WHAMM: variants seen among roughly 807,000 people sequenced by gnomAD.
The protein encoded by WHAMM is WASP homolog-associated protein with actin, membranes and microtubules.
A neutral mutation model predicts 76.5 loss-of-function variants in WHAMM; 67 were observed. The observed-to-expected ratio is 0.88, with a 90% CI of 0.72 to 1.07. The LOEUF (loss-of-function observed/expected upper bound fraction) is 1.07, where lower values mean the gene tolerates loss of function less well. Among genes scored for constraint, WHAMM ranks in the 50% least tolerant of loss-of-function variants. The pLI is 0.00. For missense variants in WHAMM, 1,021 were observed against 1,051.1 expected (o/e 0.97, Z 0.40); for synonymous variants, 419 against 422.1 (o/e 0.99, Z 0.09).
intron 6 of WHAMM, among the ~76,000 whole-genome samples, 183 bp from the exon 7 acceptor site, chr15:82,826,227 A>G (rs963195338): frequency 6.6e-6 from 1 of 152,232 alleles, no homozygotes; most frequent in Non-Finnish European, 1.5e-5. Flanking sequence ...AATTATTTCC[A>G]TAAGCAGCCA....
At position 82,826,679 on chromosome 15, in the gene WHAMM, C is replaced by G. The variant is rs1399053389; in HGVS notation, c.1546-72C>G. ...GGTACAGCCTCTTTCTTTGCTGAGA[C>G]ATTTTTATTGTATGCCAAGACATTT... On this transcript the variant is annotated intron_variant, in intron 7 of 9. Transcript: ENST00000286760. The G allele has an allele frequency of 2.6e-6, 4 of 1,528,976 alleles. No homozygotes were observed. In the Admixed American group the frequency reaches 9.0e-5, roughly 34 times the overall value. 94.7% of individuals were successfully genotyped at this position (1,528,976 alleles called of 1,614,324 possible). A position where few individuals can be genotyped will look rare whatever the true frequency, so the allele number is the denominator to read the frequency against.
rs2151553780 is a variant in WHAMM, at chr15:82,809,986, T to C, written c.260T>C (p.Leu87Pro). ...SWAGLLSAAG[L>P]RGAHRQLAAL... ...GCCGGCCTGCTCTCGGCCGCGGGGC[T>C]CCGCGGCGCGCACCGGCAGTTGGCG... The change falls in exon 1 of 10, where the codon CTC (leucine) becomes CCC (proline). Residue 87 changes from leucine (L) to proline (P), a missense_variant. Coordinates refer to ENST00000286760, the MANE Select transcript of WHAMM (RefSeq NM_001080435.3). The C allele has an allele frequency of 8.6e-6, 11 of 1,280,546 alleles. No homozygotes were observed. The highest frequency in any genetic ancestry group is 1.1e-5 in the Non-Finnish European group (11 of 1,015,256). The allele number at this position is 1,280,546 out of a possible 1,614,324, so 79.3% of individuals were successfully genotyped here.
At chr15:82,827,212 A>G (rs1566997493) in intron 8 of WHAMM, among the ~76,000 whole-genome samples, 1 of 152,180 alleles carries the variant, frequency 6.6e-6, no homozygotes, top group Non-Finnish European at 1.5e-5. Context: ...ATTCTTTAAA[A>G]TGTTATCCAG....
rs2050591344 is a variant in WHAMM at position 82,809,724 on chromosome 15, GCCAT to G, written c.-2_2del. 10 of 1,498,410 alleles carry G rather than the reference GCCAT, an allele frequency of 6.7e-6. No individual in the cohort carries two copies. The highest frequency in any genetic ancestry group is 8.0e-6 in the Non-Finnish European group (9 of 1,122,800). The allele number at this position is 1,498,410 out of a possible 1,614,324, so 92.8% of individuals were successfully genotyped here. On this transcript the variant is annotated start_lost and 5_prime_UTR_variant, in exon 1 of 10. Transcript: ENST00000286760. ...AGCCCTAGGGCCGCTGCTGCCGACAGCCATGGAGGACGAGCAGCCTGACAGCCTG... is the reference window on the plus strand; with the variant it reads ...AGCCCTAGGGCCGCTGCTGCCGACAGGGAGGACGAGCAGCCTGACAGCCTG...
intron 9 of WHAMM, among the ~76,000 whole-genome samples, chr15:82,831,767 C>T (rs1333825018): frequency 3.3e-5 from 5 of 152,224 alleles, no homozygotes; most frequent in Non-Finnish European, 5.9e-5. Context: ...TCTGCCTAGA[C>T]TTGGAGCCTA....
In WHAMM at chr15:82,810,130, C is replaced by T. The variant is rs1319947331; in HGVS notation, c.404C>T (p.Ala135Val). 1 of 1,353,558 alleles carries T rather than the reference C, an allele frequency of 7.4e-7. No homozygotes were observed. Among genetic ancestry groups the T allele is most frequent in the Non-Finnish European group, 9.6e-7 (1 of 1,046,350 alleles). 83.8% of individuals were successfully genotyped at this position (1,353,558 alleles called of 1,614,324 possible). The change falls in exon 1 of 10, where the codon GCG becomes GTG. Residue 135 changes from alanine to valine, a missense_variant. Physicochemically the swap from Ala to Val is moderately conservative, Grantham distance 64 (BLOSUM62 0). This residue lies in a region of WHAMM where 501 missense variants were observed against 524.9 expected (regional missense o/e 0.95). Coordinates refer to ENST00000286760, the MANE Select transcript of WHAMM (RefSeq NM_001080435.3). Reference protein sequence around the residue: ...GLWALLWPTRAGPGEAALQEL... With the variant: ...GLWALLWPTRVGPGEAALQEL... Reference sequence around the variant, plus strand: ...TGGGCGCTGCTGTGGCCGACGCGCGCGGGTCCCGGCGAGGCGGCGCTGCAG... The same window carrying T: ...TGGGCGCTGCTGTGGCCGACGCGCGTGGGTCCCGGCGAGGCGGCGCTGCAG...
chr15:82,819,611 G>T, intron 5 of WHAMM, 123 bp downstream of exon 5: 4 of 499,986 alleles, frequency 8.0e-6, no homozygotes, highest in Non-Finnish European at 1.3e-5. Flanking sequence ...TCCTTCAGTG[G>T]TTTATTATTC....
Position 82,823,256 on chromosome 15 carries a change from G to T in WHAMM, c.1427G>T (p.Cys476Phe), listed in dbSNP as rs762236027. ...CTGGAGTCTAAACGGGGCAGGATCTGTGCCAAAAGAGCCTCTCTCCGGAGT... is the reference window on the plus strand; with the variant it reads ...CTGGAGTCTAAACGGGGCAGGATCTTTGCCAAAAGAGCCTCTCTCCGGAGT... ...QQLESKRGRI[C>F]AKRASLRSRK... The change falls in exon 6 of 10, where the codon TGT (cysteine) becomes TTT (phenylalanine). Residue 476 changes from cysteine to phenylalanine, a missense_variant. Cys to Phe is a radical substitution (Grantham distance 205). Around this residue, in one of 3 missense-constraint regions of WHAMM, gnomAD observed 509 missense variants for 492.3 expected, o/e 1.03. Coordinates refer to ENST00000286760, the MANE Select transcript of WHAMM (RefSeq NM_001080435.3). 1 of 1,544,008 alleles carries T rather than the reference G, an allele frequency of 6.5e-7. No individual in the cohort carries two copies. Among genetic ancestry groups the T allele is most frequent in the South Asian group, 1.3e-5 (1 of 78,870 alleles).
chr15:82,810,853 C>A, intron 1 of WHAMM: 1 of 776,396 alleles, frequency 1.3e-6, no homozygotes, highest in Non-Finnish European at 1.6e-6. Context: ...GAACTTTATT[C>A]ATCAGTTTGG....
Position 82,833,345 on chromosome 15 carries a change from A to G in WHAMM, c.2239A>G (p.Ile747Val), listed in dbSNP as rs766435750. ...AATCAATGAGCACATTCTGGCTGCC[A>G]TAAGGCAAGGGGTCAAACTGAAGAA... ...ASINEHILAA[I>V]RQGVKLKKVH... Residue 747 changes from isoleucine (I) to valine (V), a missense_variant, in exon 10 of 10, where the codon ATA (isoleucine) becomes GTA (valine). Physicochemically the swap from Ile to Val is conservative, Grantham distance 29. Transcript: ENST00000286760. The G allele has an allele frequency of 7.1e-5, 115 of 1,613,936 alleles. No individual in the cohort carries two copies. Among genetic ancestry groups the G allele is most frequent in the Middle Eastern group, 4.9e-4 (3 of 6,084 alleles).
At chr15:82,821,912 A>G (rs796537986) in intron 5 of WHAMM, among the ~76,000 whole-genome samples, 4 of 152,162 alleles carry the variant, frequency 2.6e-5, no homozygotes, top group African/African-American at 9.7e-5. Flanking sequence ...CTTCACATAG[A>G]TCCTGAACTT....
At position 82,830,720 on chromosome 15, in the gene WHAMM, C is replaced by A. The variant is rs139061517; in HGVS notation, c.1763C>A (p.Pro588Gln). Residue 588 changes from proline (P) to glutamine (Q), a missense_variant, in exon 9 of 10, where the codon CCG (proline) becomes CAG (glutamine). Coordinates refer to ENST00000286760, the MANE Select transcript of WHAMM (RefSeq NM_001080435.3). The part of the protein sequence containing the change: ...PASHAVSVIH[P>Q]SSRKTRGVPL... ...TCCCACGCGGTGTCAGTAATTCACC[C>A]GTCCTCTAGGAAAACTAGAGGTGTT... 4 of 1,613,942 alleles carry A rather than the reference C, an allele frequency of 2.5e-6. No individual in the cohort carries two copies. The highest frequency in any genetic ancestry group is 1.6e-4 in the Middle Eastern group (1 of 6,062).
At position 82,834,547 on chromosome 15, in the gene WHAMM, T is replaced by TA. The variant is rs1364196930; in HGVS notation, c.*1012dup. 2 of 152,672 alleles carry TA rather than the reference T, an allele frequency of 1.3e-5. No individual in the cohort carries two copies. The highest frequency in any genetic ancestry group is 3.8e-4 in the East Asian group (2 of 5,206). The allele number at this position is 152,672 out of a possible 1,614,324, so 9.5% of individuals were successfully genotyped here. On this transcript the variant is annotated 3_prime_UTR_variant, in exon 10 of 10. Coordinates refer to ENST00000286760, the MANE Select transcript of WHAMM (RefSeq NM_001080435.3). ...ACACTACACTGGTAAGCAGTACTAT[T>TA]AGACTACTGACTGTGGCCTTCTGTG...
In WHAMM at chr15:82,818,044, G is replaced by A. The variant is rs754629534; in HGVS notation, c.1059G>A (p.Ala353=). ...LARETLQLMR[A]KELCLNHKRA... ...GAGAGACTCTGCAACTCATGAGAGC[G>A]AAAGAGTTGTGTTTAAATCACAAAA... Residue 353 remains alanine (A), a synonymous_variant, in exon 4 of 10, where the codon GCG becomes GCA. Coordinates refer to ENST00000286760, the MANE Select transcript of WHAMM (RefSeq NM_001080435.3). 1.4e-5 allele frequency: 22 copies of A among 1,551,738 alleles called. No homozygotes were observed. In the East Asian group the frequency reaches 3.6e-4, roughly 26 times the overall value.
At chr15:82,819,539 A>G (rs1596281365) in intron 5 of WHAMM, 51 bp downstream of exon 5, 1 of 945,028 alleles carries the variant, frequency 1.1e-6, no homozygotes, top group Non-Finnish European at 1.5e-6. Flanking sequence ...ATTTAAGGAA[A>G]TACAGACCAT....
At chr15:82,831,278 TA>T (rs1350406317) in intron 9 of WHAMM, among the ~76,000 whole-genome samples, 199 bp downstream of exon 9, 1 of 152,248 alleles carries the variant, frequency 6.6e-6, no homozygotes, top group Non-Finnish European at 1.5e-5. Flanking sequence ...TCTGGTTTCA[TA>T]AATGTTAATT....
Position 82,833,239 on chromosome 15 carries a change from T to C in WHAMM, c.2133T>C (p.Asp711=), listed in dbSNP as rs1188790150. 5.6e-6 allele frequency: 9 copies of C among 1,613,500 alleles called. No homozygotes were observed. Among genetic ancestry groups the C allele is most frequent in the Non-Finnish European group, 6.8e-6 (8 of 1,179,682 alleles). Residue 711 remains aspartate, a synonymous_variant, in exon 10 of 10, where the codon GAT becomes GAC. Transcript: ENST00000286760. The part of the protein sequence containing the change: ...LESFSCPGSM[D]EVLASLRHGR... ...CTTATTCAATTTCAGGATCTATGGATGAAGTGTTGGCCTCCTTAAGGCATG... is the reference window on the plus strand; with the variant it reads ...CTTATTCAATTTCAGGATCTATGGACGAAGTGTTGGCCTCCTTAAGGCATG...
At chr15:82,823,493 A>G (rs1217427903) in intron 6 of WHAMM, among the ~76,000 whole-genome samples, 1 of 152,190 alleles carries the variant, frequency 6.6e-6, no homozygotes, top group Non-Finnish European at 1.5e-5. Context: ...GCATTTAGCA[A>G]ATCTCAAGGT....
intron 5 of WHAMM, 105 bp from the exon 6 acceptor site, chr15:82,822,995 G>A (rs1168844847): frequency 2.2e-5 from 21 of 955,330 alleles, no homozygotes; most frequent in East Asian, 1.8e-4. Context: ...GTGCTTCTCA[G>A]TGGTGGGATT....
Sources: gnomAD v4.1 joint callset for allele counts (sites outside exome capture counted in the v4.1 genomes callset) on GRCh38, gnomAD v4.1.1 for gene constraint, gnomAD v4.1.1 regional missense constraint, MANE v1.5 for transcripts, NCBI Gene and HGNC (gene_info 2026-07-23, HGNC 2026-07-21) for gene names.